PIF1: variants seen among roughly 807,000 people sequenced by gnomAD.
PIF1 encodes PIF1 5'-to-3' DNA helicase, also known as ATP-dependent DNA helicase PIF1.
PIF1 carries 67 observed loss-of-function variants against 62.3 expected under a neutral mutation model. The ratio of observed to expected loss-of-function variants is 1.08; its 90% CI spans 0.88 to 1.32. The LOEUF (loss-of-function observed/expected upper bound fraction) is 1.32, where lower values mean the gene tolerates loss of function less well. Among genes scored for constraint, PIF1 ranks in the 40% most tolerant of loss-of-function variants. The pLI, the probability that PIF1 is intolerant of heterozygous loss-of-function variation, is 0.00. For missense variants in PIF1, 886 were observed against 866.1 expected, an observed-to-expected ratio of 1.02 and a Z score of -0.29; for synonymous variants, 364 against 379.5, an observed-to-expected ratio of 0.96 and a Z score of 0.47.
At chr15:64,819,033 T>C (rs2084240031) in intron 9 of PIF1, 84 bp downstream of exon 9, 1 of 989,400 alleles carries the variant, frequency 1.0e-6, no homozygotes, top group East Asian at 3.1e-5. Context: ...GGCTGCAGAG[T>C]GGCCTGGGCA....
chr15:64,824,894 T>C (rs1191612901), intron 1 of PIF1, among the ~76,000 whole-genome samples: 1 of 149,698 alleles, frequency 6.7e-6, no homozygotes, highest in Non-Finnish European at 1.5e-5. Context: ...TATATATATG[T>C]ATATATATAT....
chr15:64,818,414 T>C, intron 9 of PIF1, 70 bp from the exon 10 acceptor site: 1 of 1,447,186 alleles, frequency 6.9e-7, no homozygotes, highest in Non-Finnish European at 9.6e-7. Flanking sequence ...GCCATGGCTG[T>C]TCTCAGAGGC....
At chr15:64,819,367 A>G (rs771795308) in intron 8 of PIF1, 144 bp from the exon 9 acceptor site, 26 of 626,786 alleles carry the variant, frequency 4.1e-5, no homozygotes, top group Non-Finnish European at 7.1e-5. Context: ...CTGGAGTGCA[A>G]AGGCGTGATC....
chr15:64,820,425 T>A (rs1469946479), intron 7 of PIF1, among the ~76,000 whole-genome samples: 3 of 152,182 alleles, frequency 2.0e-5, no homozygotes, highest in African/African-American at 7.2e-5. Flanking sequence ...TGAGACGGAG[T>A]CTCGCTCTGT....
chr15:64,820,173 G>A (rs2084265811), intron 7 of PIF1, among the ~76,000 whole-genome samples, 187 bp from the exon 8 acceptor site: 1 of 152,164 alleles, frequency 6.6e-6, no homozygotes, highest in African/African-American at 2.4e-5. Flanking sequence ...CAAACATGGG[G>A]AATAAGCAGG....
In PIF1 at chr15:64,816,023, C is replaced by A; in HGVS notation, c.*275G>T. The A allele has an allele frequency of 6.8e-7, 1 of 1,480,892 alleles. No individual in the cohort carries two copies. Among genetic ancestry groups the A allele is most frequent in the Non-Finnish European group, 9.0e-7 (1 of 1,116,310 alleles). 91.7% of individuals were successfully genotyped at this position (1,480,892 alleles called of 1,614,324 possible). A position where few individuals can be genotyped will look rare whatever the true frequency, so the allele number is the denominator to read the frequency against. ...AGAGAGCTTTGTCCTCTGACATCAG[C>A]TACCACACAGGCTCATTCTCAACTG... On this transcript the variant is annotated 3_prime_UTR_variant, in exon 13 of 13. Coordinates refer to ENST00000559239, the MANE Select transcript of PIF1 (RefSeq NM_001286496.2).
At chr15:64,816,458 G>A in intron 12 of PIF1, 101 bp from the exon 13 acceptor site, 1 of 1,595,104 alleles carries the variant, frequency 6.3e-7, no homozygotes, top group Non-Finnish European at 8.6e-7. Context: ...ACCCCTAAAG[G>A]AGCCAGCAGA....
chr15:64,817,566 T>A, intron 11 of PIF1, among the ~76,000 whole-genome samples: 1 of 146,188 alleles, frequency 6.8e-6, no homozygotes, highest in Non-Finnish European at 1.5e-5. Context: ...TAAAATAAAA[T>A]AAAAAAAGAC....
chr15:64,826,667 C>T (rs867448370), upstream of PIF1, among the ~76,000 whole-genome samples: 6,076 of 65,054 alleles, frequency 0.093, 489 homozygotes, highest in African/African-American at 0.14. Flanking sequence ...TATATATATA[C>T]ACACACACAC....
chr15:64,819,695 C>G, intron 8 of PIF1, 152 bp downstream of exon 8: 3 of 1,018,950 alleles, frequency 2.9e-6, no homozygotes, highest in Middle Eastern at 3.1e-4. Flanking sequence ...GTTCATCACA[C>G]CTCTCAAAGT....
chr15:64,816,528 C>T lies in PIF1; in HGVS notation c.1866+46G>A, dbSNP rs757393409. ...CCGGCGCTCCCTCTGTCCTAGCTCC[C>T]ACCCTGCCCGTGGCCACAGCCCACC... On this transcript the variant is annotated intron_variant, in intron 12 of 12. Coordinates refer to ENST00000559239, the MANE Select transcript of PIF1 (RefSeq NM_001286496.2). The T allele has an allele frequency of 7.5e-6, 12 of 1,605,948 alleles. No individual in the cohort carries two copies. In the Admixed American group the frequency reaches 1.6e-4, roughly 21 times the overall value.
Position 64,819,930 on chromosome 15 carries a change from C to A in PIF1, c.1250G>T (p.Arg417Leu). 1.2e-6 allele frequency: 2 copies of A among 1,614,176 alleles called. No individual in the cohort carries two copies. The highest frequency in any genetic ancestry group is 1.7e-6 in the Non-Finnish European group (2 of 1,180,042). ...GAGCCTCGTGGCCACAATCCCATCTCGCCCCACCTTGTGGGAAGCTGTGGC... is the reference window on the plus strand; with the variant it reads ...GAGCCTCGTGGCCACAATCCCATCTAGCCCCACCTTGTGGGAAGCTGTGGC... ...LQATASHKVGRDGIVATRLCT... is the reference protein window; with the variant it reads ...LQATASHKVGLDGIVATRLCT... The change falls in exon 8 of 13, where the codon CGA becomes CTA. Residue 417 changes from arginine to leucine, a missense_variant. Arg to Leu is a moderately radical substitution (Grantham distance 102). Transcript: ENST00000559239.
rs1175050856 is a variant in PIF1, at chr15:64,824,159, C to A, written c.177G>T (p.Ala59=). 8 of 1,310,426 alleles carry A rather than the reference C, an allele frequency of 6.1e-6. No homozygotes were observed. Among genetic ancestry groups the A allele is most frequent in the East Asian group, 3.1e-5 (1 of 32,106 alleles). 81.2% of individuals were successfully genotyped at this position (1,310,426 alleles called of 1,614,324 possible). Residue 59 remains alanine, a synonymous_variant, in exon 2 of 13, where the codon GCG becomes GCT. Transcript: ENST00000559239. ...ERRELMLRLQ[A]PGPAGRPRCF... ...AGCGCGGCCGCCCCGCGGGCCCTGG[C>A]GCTTGCAGCCGCAGCATCAACTCGC...
chr15:64,818,076 C>T lies in PIF1; in HGVS notation c.1544G>A (p.Arg515Gln), dbSNP rs774263419. 39 of 1,613,766 alleles carry T rather than the reference C, an allele frequency of 2.4e-5. No individual in the cohort carries two copies. The highest frequency in any genetic ancestry group is 1.4e-4 in the South Asian group (13 of 91,026). Residue 515 changes from arginine to glutamine, a missense_variant, in exon 11 of 13, where the codon CGG becomes CAG. Physicochemically the swap from Arg to Gln is conservative, Grantham distance 43 (BLOSUM62 1). Transcript: ENST00000559239. ...EAEGRGLPQV[R>Q]FLCGVTEVIH... ...GACCTCAGTGACTCCACACAGGAAC[C>T]GCACCTGGGGTAGCCCTAAGGAGAG... is the stretch of plus-strand genomic sequence containing the variant.
At position 64,822,335 on chromosome 15, in the gene PIF1, T is replaced by C; in HGVS notation, c.748A>G (p.Thr250Ala). 1.2e-6 allele frequency: 2 copies of C among 1,613,440 alleles called. No homozygotes were observed. The highest frequency in any genetic ancestry group is 1.7e-6 in the Non-Finnish European group (2 of 1,179,936). Residue 250 changes from threonine (T) to alanine (A), a missense_variant, in exon 4 of 13, where the codon ACT becomes GCT. Physicochemically the swap from Thr to Ala is moderately conservative, Grantham distance 58. Transcript: ENST00000559239. ...ACCCCAGTGCTGGCAGTGGCCACAG[T>C]GCCTGTGGGGGGCAGTGAGCCCAGG... ...RILGSLPPTG[T>A]VATASTGVAA...
Position 64,821,087 on chromosome 15 carries a change from G to C in PIF1, c.1088C>G (p.Ser363Cys). Reference sequence around the variant, plus strand: ...TGGCACACACCTCTTCCAGCTCTTGGACTGGTGGGGGCAGGGTGGGGGTGG... The same window carrying C: ...TGGCACACACCTCTTCCAGCTCTTGCACTGGTGGGGGCAGGGTGGGGGTGG... ...GSQPPRFCFQ[S>C]KSWKRCVPVT... The change falls in exon 7 of 13, where the codon TCC becomes TGC. Residue 363 changes from serine (S) to cysteine (C), a missense_variant and splice_region_variant. Transcript: ENST00000559239. 1.2e-6 allele frequency: 2 copies of C among 1,613,482 alleles called. No homozygotes were observed. The highest frequency in any genetic ancestry group is 1.7e-6 in the Non-Finnish European group (2 of 1,179,490).
chr15:64,818,374 G>A, intron 9 of PIF1, 30 bp from the exon 10 acceptor site: 1 of 1,606,386 alleles, frequency 6.2e-7, no homozygotes, highest in South Asian at 1.1e-5. Flanking sequence ...ATGGACAGCA[G>A]CCCCCCTACC....
In PIF1 at chr15:64,824,286, A is replaced by G; in HGVS notation, c.50T>C (p.Leu17Pro). 2 of 1,270,950 alleles carry G rather than the reference A, an allele frequency of 1.6e-6. No homozygotes were observed. The highest frequency in any genetic ancestry group is 3.1e-5 in the East Asian group (1 of 32,114). The allele number at this position is 1,270,950 out of a possible 1,614,324, so 78.7% of individuals were successfully genotyped here. ...CTCCTCCACAGCCACGCGGCACCGCAGCTCCGAGTCCTCATATTCCCCTGC... is the reference window on the plus strand; with the variant it reads ...CTCCTCCACAGCCACGCGGCACCGCGGCTCCGAGTCCTCATATTCCCCTGC... ...AAAGEYEDSE[L>P]RCRVAVEELS... is the part of the protein sequence containing the mutation. Residue 17 changes from leucine to proline, a missense_variant, in exon 2 of 13, where the codon CTG becomes CCG. Transcript: ENST00000559239.
rs776472249 is a variant in PIF1 at position 64,818,319 on chromosome 15, A to G, written c.1466T>C (p.Val489Ala). 5.6e-6 allele frequency: 9 copies of G among 1,613,702 alleles called. No homozygotes were observed. In the Admixed American group the frequency reaches 1.5e-4, roughly 27 times the overall value. ...AQVMLVKNLS[V>A]SRGLVNGARG... ...GGCACCATTCACCAGGCCCCGAGACACCGATAAGTTTTTCACCAGCATCAC... is the reference window on the plus strand; with the variant it reads ...GGCACCATTCACCAGGCCCCGAGACGCCGATAAGTTTTTCACCAGCATCAC... Residue 489 changes from valine to alanine, a missense_variant, in exon 10 of 13, where the codon GTG becomes GCG. Transcript: ENST00000559239.
Sources: gnomAD v4.1 joint callset for allele counts (sites outside exome capture counted in the v4.1 genomes callset) on GRCh38, gnomAD v4.1.1 for gene constraint, MANE v1.5 for transcripts, NCBI Gene and HGNC (gene_info 2026-07-23, HGNC 2026-07-21) for gene names.